Variants in DDHD2 observed in about 807,000 individuals in gnomAD.
DDHD2 encodes triacylglycerol hydrolase DDHD2.
A neutral mutation model predicts 91.2 loss-of-function variants in DDHD2; 62 were observed. The observed-to-expected ratio is 0.68, with a 90% CI of 0.55 to 0.84. The LOEUF (loss-of-function observed/expected upper bound fraction) is 0.84. DDHD2 is among the 40% of genes least tolerant of loss of function. The pLI is 0.00. For missense variants in DDHD2, 740 were observed against 846.9 expected (o/e 0.87, Z 1.57); for synonymous variants, 271 against 293.9 (o/e 0.92, Z 0.80).
chr8:38,268,347 C>A, intron 1 of DDHD2: 2 of 1,548,314 alleles, frequency 1.3e-6, no homozygotes, highest in Non-Finnish European at 8.7e-7. Context: ...ACGAAGAAAC[C>A]GGCCCGAAAG....
chr8:38,252,859 CT>C, intron 14 of DDHD2, 35 bp downstream of exon 14: 2 of 1,609,424 alleles, frequency 1.2e-6, no homozygotes, highest in Non-Finnish European at 1.7e-6. Context: ...AATTCTAGAC[CT>C]TTTGGCCAGT....
downstream of DDHD2, chr8:38,263,416 T>C (rs925796727): frequency 7.2e-5 from 71 of 985,428 alleles, 1 homozygote; most frequent in East Asian, 6.8e-4. Flanking sequence ...TCTTCAGTCA[T>C]GAATGGAAGG....
intron 9 of DDHD2, among the ~76,000 whole-genome samples, chr8:38,246,630 T>G (rs953585467): frequency 6.6e-6 from 1 of 152,174 alleles, no homozygotes; most frequent in Non-Finnish European, 1.5e-5. Context: ...TCACCTTAGG[T>G]CAGGAGTTCA....
chr8:38,246,319 T>G lies in DDHD2; in HGVS notation c.1125+19T>G, dbSNP rs1214902064. 2 of 1,578,876 alleles carry G rather than the reference T, an allele frequency of 1.3e-6. No individual in the cohort carries two copies. Among genetic ancestry groups the G allele is most frequent in the African/African-American group, 2.7e-5 (2 of 73,774 alleles). ...TGAAAAGGTAATTTAGATGTTCAGC[T>G]AGGTTTTCTTGTAGTTTTCCTTAGT... On this transcript the variant is annotated intron_variant, in intron 9 of 17. Transcript: ENST00000397166.
Position 38,233,092 on chromosome 8 carries a change from C to T in DDHD2, c.98C>T (p.Ala33Val), listed in dbSNP as rs1430223227. 1 of 1,614,122 alleles carries T rather than the reference C, an allele frequency of 6.2e-7. No homozygotes were observed. Among genetic ancestry groups the T allele is most frequent in the South Asian group, 1.1e-5 (1 of 91,086 alleles). ...CSSFELIDMD[A>V]GSLYEPVSPH... ...TCCTTTGAGCTAATAGACATGGATG[C>T]TGGCAGCTTGTATGAACCAGTTTCT... Residue 33 changes from alanine to valine, a missense_variant, in exon 2 of 18, where the codon GCT becomes GTT. This residue lies in a region of DDHD2 where 693 missense variants were observed against 764.2 expected (regional missense o/e 0.91). Transcript: ENST00000397166.
intron 7 of DDHD2, among the ~76,000 whole-genome samples, chr8:38,242,681 C>G (rs1805342897): frequency 6.6e-6 from 1 of 152,132 alleles, no homozygotes; most frequent in African/African-American, 2.4e-5. Context: ...TTTCCATCTT[C>G]AGATGTCAAA....
In DDHD2 at chr8:38,251,944, A is replaced by G. The variant is rs761333149; in HGVS notation, c.1377A>G (p.Ser459=). The change falls in exon 12 of 18, where the codon TCA becomes TCG. Residue 459 remains serine (S), a synonymous_variant. Coordinates refer to ENST00000397166, the MANE Select transcript of DDHD2 (RefSeq NM_015214.3). ...AGAGACCAGCCCCGCAGCCTGCTTCAGGGGCAAACATCCCCAAAGAATCTG... is the reference window on the plus strand; with the variant it reads ...AGAGACCAGCCCCGCAGCCTGCTTCGGGGGCAAACATCCCCAAAGAATCTG... ...GIKRPAPQPA[S]GANIPKESEF... 1 of 1,613,988 alleles carries G rather than the reference A, an allele frequency of 6.2e-7. No homozygotes were observed. Among genetic ancestry groups the G allele is most frequent in the Admixed American group, 1.7e-5 (1 of 60,012 alleles).
At chr8:38,241,779 C>G (rs1309470918) in intron 6 of DDHD2, among the ~76,000 whole-genome samples, 1 of 150,954 alleles carries the variant, frequency 6.6e-6, no homozygotes, top group African/African-American at 2.4e-5. Context: ...TTAGGCCAGG[C>G]ACGGTGGCTC....
At chr8:38,258,454 T>C (rs1806715600) in intron 16 of DDHD2, among the ~76,000 whole-genome samples, 1 of 152,152 alleles carries the variant, frequency 6.6e-6, no homozygotes, top group Non-Finnish European at 1.5e-5. Flanking sequence ...GGTTTCACTA[T>C]GTTGGCCAGG....
rs1478924362 is a variant in DDHD2, at chr8:38,260,186, C to T, written c.*26+39C>T. 4 of 1,121,624 alleles carry T rather than the reference C, an allele frequency of 3.6e-6. No individual in the cohort carries two copies. The African/African-American group carries it at 6.2e-5, about 17-fold the overall frequency. 69.5% of individuals were successfully genotyped at this position (1,121,624 alleles called of 1,614,324 possible). A position where few individuals can be genotyped will look rare whatever the true frequency, so the allele number is the denominator to read the frequency against. Reference sequence around the variant, plus strand: ...TGTCATATATATAGTGTAATTCTTACATATTAACATGTTATAATGAACTAT... The same window carrying T: ...TGTCATATATATAGTGTAATTCTTATATATTAACATGTTATAATGAACTAT... On this transcript the variant is annotated intron_variant, in intron 17 of 17. Transcript: ENST00000397166.
At chr8:38,259,941 A>G (rs1239351617) in intron 16 of DDHD2, 99 bp from the exon 17 acceptor site, 15 of 767,910 alleles carry the variant, frequency 2.0e-5, no homozygotes, top group Middle Eastern at 4.8e-4. Context: ...TAAAAAATAA[A>G]CTTGCAAGAT....
At chr8:38,264,389 T>C (rs1478798678), downstream of DDHD2, 2 of 1,410,812 alleles carry the variant, frequency 1.4e-6, no homozygotes, top group Non-Finnish European at 1.9e-6. Context: ...CTCCTCAGCC[T>C]CCCAAAGTGT....
intron 16 of DDHD2, chr8:38,255,322 G>A (rs763780625): frequency 2.0e-5 from 10 of 509,516 alleles, no homozygotes; most frequent in South Asian, 1.3e-4. Context: ...GAGGCCAAAA[G>A]CAATCTTGTA....
intron 3 of DDHD2, among the ~76,000 whole-genome samples, chr8:38,236,236 G>C (rs953002526): frequency 1.0e-4 from 15 of 150,574 alleles, no homozygotes; most frequent in African/African-American, 3.2e-4. Flanking sequence ...ATGGTCTCAA[G>C]CTCCTGACCT....
chr8:38,246,636 G>A (rs1345884742), intron 9 of DDHD2, among the ~76,000 whole-genome samples: 2 of 152,218 alleles, frequency 1.3e-5, no homozygotes, highest in Non-Finnish European at 2.9e-5. Flanking sequence ...TAGGTCAGGA[G>A]TTCAAGACCA....
At chr8:38,269,189 G>A (rs773022503) in intron 1 of DDHD2, 25 of 1,501,660 alleles carry the variant, frequency 1.7e-5, no homozygotes, top group Non-Finnish European at 2.1e-5. Flanking sequence ...CGCCGCCGCC[G>A]CCTTCCCCAT....
chr8:38,267,987 G>A, intron 1 of DDHD2: 2 of 1,613,970 alleles, frequency 1.2e-6, no homozygotes, highest in Non-Finnish European at 1.7e-6. Context: ...TTAGTTGAAA[G>A]GATCTGTCTA....
intron 7 of DDHD2, among the ~76,000 whole-genome samples, chr8:38,244,187 A>G (rs1015764545): frequency 8.5e-5 from 13 of 152,134 alleles, no homozygotes; most frequent in Non-Finnish European, 7.4e-5. Flanking sequence ...GGCTCAAGCA[A>G]TCTGTCTGCT....
intron 11 of DDHD2, 28 bp downstream of exon 11, chr8:38,249,831 T>A: frequency 6.9e-7 from 1 of 1,451,946 alleles, no homozygotes; most frequent in Non-Finnish European, 9.6e-7. Context: ...CTTGTTGGAC[T>A]AAACAATTCT....
Sources: allele counts gnomAD v4.1 joint callset (sites outside exome capture counted in the v4.1 genomes callset), GRCh38; gene constraint gnomAD v4.1.1; regional missense constraint gnomAD v4.1.1; transcripts MANE v1.5; gene names NCBI Gene and HGNC (gene_info 2026-07-23, HGNC 2026-07-21).